Variants in ADAMTS2 observed in about 807,000 individuals in gnomAD.
The protein encoded by ADAMTS2 is ADAM metallopeptidase with thrombospondin type 1 motif 2, also known as A disintegrin and metalloproteinase with thrombospondin motifs 2.
In ADAMTS2, 50 loss-of-function variants were observed where a neutral mutation model predicts 123.0. The observed-to-expected ratio is 0.41, with a 90% CI of 0.32 to 0.51. The LOEUF is 0.51. Among genes scored for constraint, ADAMTS2 ranks in the 20% least tolerant of loss-of-function variants. The pLI, the probability that ADAMTS2 is intolerant of heterozygous loss-of-function variation, is 0.35. For missense variants in ADAMTS2, 1,494 were observed against 1,705.2 expected, an observed-to-expected ratio of 0.88 and a Z score of 2.18; for synonymous variants, 678 against 695.4, an observed-to-expected ratio of 0.98 and a Z score of 0.39.
chr5:179,139,327 T>G, intron 11 of ADAMTS2, among the ~76,000 whole-genome samples: 1 of 147,858 alleles, frequency 6.8e-6, no homozygotes, highest in Non-Finnish European at 1.5e-5. Context: ...ATTTACGGGG[T>G]GTGTGGGGGT....
intron 3 of ADAMTS2, among the ~76,000 whole-genome samples, chr5:179,261,610 A>C (rs918827337): frequency 6.6e-6 from 1 of 152,224 alleles, no homozygotes; most frequent in African/African-American, 2.4e-5. Context: ...GAGAGTTTGC[A>C]CCAGGAGCAG....
rs1014743973 is a variant in ADAMTS2, at chr5:179,186,174, T to A, written c.892-5019A>T. ...GGCCTGGGATCCTGCTCCGGAGCCC[T>A]CAACTTGGCCCCCTCCCAGGCCAGG... On this transcript the variant is annotated intron_variant, in intron 4 of 21. Transcript: ENST00000251582. 3.3e-5 allele frequency among the ~76,000 whole-genome samples: 5 copies of A among 152,154 alleles called. 1 individual carries two copies. In the South Asian group the frequency reaches 8.3e-4, roughly 25 times the overall value.
chr5:179,190,142 G>A (rs1351111468), intron 4 of ADAMTS2, among the ~76,000 whole-genome samples: 1 of 152,122 alleles, frequency 6.6e-6, no homozygotes, highest in Non-Finnish European at 1.5e-5. Context: ...GGGCTCAGAG[G>A]CCTGACATTC....
chr5:179,170,040 C>T lies in ADAMTS2; in HGVS notation c.975+11032G>A, dbSNP rs929466094. 5.3e-5 allele frequency among the ~76,000 whole-genome samples: 8 copies of T among 152,160 alleles called. No individual in the cohort carries two copies. On this transcript the variant is annotated intron_variant, in intron 5 of 21. Coordinates refer to ENST00000251582, the MANE Select transcript of ADAMTS2 (RefSeq NM_014244.5). The surrounding 1 kb of genome is among the most constrained non-coding windows in gnomAD (Gnocchi z 4.3). ...ATTGAAAAGCCAGTTGCTATGCAAC[C>T]TCAAGTGTTGCCGATGCTCTGCTCC...
At chr5:179,240,744 A>C (rs1398379281) in intron 3 of ADAMTS2, among the ~76,000 whole-genome samples, 1 of 152,020 alleles carries the variant, frequency 6.6e-6, no homozygotes, top group East Asian at 1.9e-4. Flanking sequence ...TGTTTGGGGG[A>C]GGGCAGAAAC....
At chr5:179,122,883 G>T in intron 19 of ADAMTS2, 110 bp from the exon 20 acceptor site, 1 of 1,500,718 alleles carries the variant, frequency 6.7e-7, no homozygotes, top group Non-Finnish European at 9.0e-7. Context: ...CTCAGGAGGA[G>T]GTGTGGGACA....
Position 179,171,236 on chromosome 5 carries a change from C to T in ADAMTS2, c.975+9836G>A, listed in dbSNP as rs151073690. On this transcript the variant is annotated intron_variant, in intron 5 of 21. Transcript: ENST00000251582. ...TTGAGGTGCACTGTGTACTGCTGCTCCCAGGATGGCCTCTCCCCTGGCCAC... is the reference window on the plus strand; with the variant it reads ...TTGAGGTGCACTGTGTACTGCTGCTTCCAGGATGGCCTCTCCCCTGGCCAC... Among the ~76,000 whole-genome samples the T allele has an allele frequency of 7.3e-3, 1,112 of 152,292 alleles. 9 individuals are homozygous for T. Among genetic ancestry groups the T allele is most frequent in the Non-Finnish European group, 0.01 (686 of 68,018 alleles).
At position 179,272,963 on chromosome 5, in the gene ADAMTS2, A is replaced by G; in HGVS notation, c.636T>C (p.Tyr212=). ...EAEQGRVHVV[Y]RRPPTSPPLG... is the part of the protein sequence containing the mutation. Reference sequence around the variant, plus strand: ...GAGGAGGGGACGTGGGTGGCCGGCGATACACCACATGCACACGGCCTTGCT... The same window carrying G: ...GAGGAGGGGACGTGGGTGGCCGGCGGTACACCACATGCACACGGCCTTGCT... Residue 212 remains tyrosine, a synonymous_variant, in exon 3 of 22, where the codon TAT becomes TAC. Transcript: ENST00000251582. This position sits in a 1 kb window ranked among gnomAD's most constrained non-coding sequence, Gnocchi z 5.8. 1 of 1,612,276 alleles carries G rather than the reference A, an allele frequency of 6.2e-7. No individual in the cohort carries two copies. Among genetic ancestry groups the G allele is most frequent in the Non-Finnish European group, 8.5e-7 (1 of 1,179,900 alleles).
In ADAMTS2 at chr5:179,139,908, C is replaced by CG. The variant is rs890949258; in HGVS notation, c.1756dup (p.Arg586ProfsTer4). On this transcript the variant is annotated frameshift_variant, in exon 11 of 22. Coordinates refer to ENST00000251582, the MANE Select transcript of ADAMTS2 (RefSeq NM_014244.5). LOFTEE classifies it high-confidence loss of function. ...AACTCACTGTGGGTTGTCACACTGG[C>CG]GGGTCCTGAACTTCACGCCCGTGCC... 1 of 1,611,920 alleles carries CG rather than the reference C, an allele frequency of 6.2e-7. No homozygotes were observed. The highest frequency in any genetic ancestry group is 8.5e-7 in the Non-Finnish European group (1 of 1,179,918).
intron 2 of ADAMTS2, among the ~76,000 whole-genome samples, chr5:179,328,102 A>G (rs1581279871): frequency 6.6e-6 from 1 of 152,132 alleles, no homozygotes; most frequent in Non-Finnish European, 1.5e-5. Flanking sequence ...AAGCGATCTG[A>G]GCTCACTGCA....
chr5:179,140,799 C>CTT lies in ADAMTS2; in HGVS notation c.1630-766_1630-765dup, dbSNP rs770094463. ...TTTCCTTCAGTTCCGACTGCATGCT[C>CTT]TTTTTTTTTTTTTTTTTTTGAGACA... is the stretch of plus-strand genomic sequence containing the variant. On this transcript the variant is annotated intron_variant, in intron 10 of 21. Transcript: ENST00000251582. 2.3e-3 allele frequency among the ~76,000 whole-genome samples: 211 copies of CTT among 90,438 alleles called. 19 individuals carry two copies. Among genetic ancestry groups the CTT allele is most frequent in the African/African-American group, 6.9e-3 (155 of 22,624 alleles). 59.3% of individuals were successfully genotyped at this position (90,438 alleles called of 152,430 possible). A position where few individuals can be genotyped will look rare whatever the true frequency, so the allele number is the denominator to read the frequency against.
intron 4 of ADAMTS2, among the ~76,000 whole-genome samples, chr5:179,203,099 A>T (rs905328522): frequency 1.3e-5 from 2 of 152,206 alleles, no homozygotes; most frequent in African/African-American, 4.8e-5. Context: ...AAACTGAGGC[A>T]GTGCAGGGCT....
rs1208508637 is a variant in ADAMTS2 at position 179,189,513 on chromosome 5, T to C, written c.892-8358A>G. Reference sequence around the variant, plus strand: ...CAGGCGCCCGCCAGTGCGCCTGGTTTTTTTTTTTTTTTTTTTTTTTTTTTT... The same window carrying C: ...CAGGCGCCCGCCAGTGCGCCTGGTTCTTTTTTTTTTTTTTTTTTTTTTTTT... On this transcript the variant is annotated intron_variant, in intron 4 of 21. Transcript: ENST00000251582. This position sits in a 1 kb window ranked among gnomAD's most constrained non-coding sequence, Gnocchi z 4.2. 0.014 allele frequency among the ~76,000 whole-genome samples: 1,871 copies of C among 130,512 alleles called. 303 individuals are homozygous for C. The highest frequency in any genetic ancestry group is 0.054 in the African/African-American group (1,751 of 32,340). The allele number at this position is 130,512 out of a possible 152,430, so 85.6% of individuals were successfully genotyped here.
chr5:179,308,470 G>A lies in ADAMTS2; in HGVS notation c.534+35297C>T, dbSNP rs1299246318. ...GGAACGGGCAGCCGCCACTGTTCAC[G>A]AGCAAGGGTGCAGGGGCACCAGAGC... On this transcript the variant is annotated intron_variant, in intron 2 of 21. Coordinates refer to ENST00000251582, the MANE Select transcript of ADAMTS2 (RefSeq NM_014244.5). This position sits in a 1 kb window ranked among gnomAD's most constrained non-coding sequence, Gnocchi z 6.6. 1.3e-5 allele frequency among the ~76,000 whole-genome samples: 2 copies of A among 152,164 alleles called. No individual in the cohort carries two copies. Among genetic ancestry groups the A allele is most frequent in the African/African-American group, 2.4e-5 (1 of 41,440 alleles).
At position 179,308,367 on chromosome 5, in the gene ADAMTS2, C is replaced by T. The variant is rs1262057469; in HGVS notation, c.535-35303G>A. On this transcript the variant is annotated intron_variant, in intron 2 of 21. Transcript: ENST00000251582. The surrounding 1 kb of genome is among the most constrained non-coding windows in gnomAD (Gnocchi z 6.6). The stretch of plus-strand genomic sequence containing the variant: ...GGAGCTCAGCGGTGCCCAGAGAGAG[C>T]ACTCGAAATGCCAGCTGGAAAGGTC... 6.6e-6 allele frequency among the ~76,000 whole-genome samples: 1 copy of T among 152,076 alleles called. No homozygotes were observed. Among genetic ancestry groups the T allele is most frequent in the Non-Finnish European group, 1.5e-5 (1 of 68,030 alleles).
At chr5:179,221,605 T>G (rs1765127765) in intron 3 of ADAMTS2, among the ~76,000 whole-genome samples, 1 of 152,102 alleles carries the variant, frequency 6.6e-6, no homozygotes, top group African/African-American at 2.4e-5. Context: ...GATGCTCCCA[T>G]GCCCTGATGT....
intron 4 of ADAMTS2, among the ~76,000 whole-genome samples, chr5:179,186,277 G>C (rs1157529501): frequency 6.6e-6 from 1 of 152,192 alleles, no homozygotes; most frequent in Non-Finnish European, 1.5e-5. Context: ...GGCCTGGGTG[G>C]TTCTCCTGCC....
At chr5:179,178,966 C>A (rs2113307351) in intron 5 of ADAMTS2, among the ~76,000 whole-genome samples, 1 of 152,234 alleles carries the variant, frequency 6.6e-6, no homozygotes, top group East Asian at 1.9e-4. Flanking sequence ...TCCTAATATT[C>A]TCTTTCCTTG....
rs1387966557 is a variant in ADAMTS2, at chr5:179,111,767, C to G, written c.*2100G>C. 2.6e-5 allele frequency: 4 copies of G among 152,294 alleles called. No individual in the cohort carries two copies. Among genetic ancestry groups the G allele is most frequent in the African/African-American group, 9.6e-5 (4 of 41,482 alleles). 9.4% of individuals were successfully genotyped at this position (152,294 alleles called of 1,614,324 possible). ...ATCCTAGGACAGACCCAAGTAAGAA[C>G]TGCCCAGTTCTTCAGCCTGTGAATA... On this transcript the variant is annotated 3_prime_UTR_variant, in exon 22 of 22. Coordinates refer to ENST00000251582, the MANE Select transcript of ADAMTS2 (RefSeq NM_014244.5).
Sources: allele counts gnomAD v4.1 joint callset (sites outside exome capture counted in the v4.1 genomes callset), GRCh38; gene constraint gnomAD v4.1.1; non-coding constraint Gnocchi (gnomAD v3.1); transcripts MANE v1.5; gene names NCBI Gene and HGNC (gene_info 2026-07-23, HGNC 2026-07-21).